EPHB1: variants seen among roughly 807,000 people sequenced by gnomAD.
The protein encoded by EPHB1 is ephrin type-B receptor 1.
In EPHB1, 30 loss-of-function variants were observed where a neutral mutation model predicts 94.4. The observed-to-expected ratio is 0.32, with a 90% confidence interval of 0.24 to 0.43. The LOEUF is 0.43. Among genes scored for constraint, EPHB1 ranks in the 20% least tolerant of loss-of-function variants. EPHB1 has a pLI of 1.00. For synonymous variants in EPHB1, 522 were observed against 489.1 expected (o/e 1.07, Z -0.89); for missense variants, 1,055 against 1,308.3 (o/e 0.81, Z 2.99).
At chr3:135,041,119 A>G (rs925291823) in intron 3 of EPHB1, among the ~76,000 whole-genome samples, 2 of 152,176 alleles carry the variant, frequency 1.3e-5, no homozygotes, top group African/African-American at 4.8e-5. Context: ...TGTAAACCAG[A>G]AGAGCAGGGA....
At chr3:134,796,549 C>G (rs542979784) in intron 1 of EPHB1, among the ~76,000 whole-genome samples, 4 of 152,218 alleles carry the variant, frequency 2.6e-5, no homozygotes, top group Non-Finnish European at 2.9e-5. Context: ...CCAAAGACAC[C>G]GTGCCCGGCG....
intron 3 of EPHB1, among the ~76,000 whole-genome samples, chr3:135,093,728 A>G (rs1034102776): frequency 9.0e-4 from 137 of 152,252 alleles, no homozygotes; most frequent in African/African-American, 3.0e-3. Context: ...ACTCAAAAAA[A>G]AAAAAAAAAT....
intron 1 of EPHB1, among the ~76,000 whole-genome samples, chr3:134,858,673 C>T (rs7645894): frequency 6.6e-6 from 1 of 152,242 alleles, no homozygotes; most frequent in Non-Finnish European, 1.5e-5. Context: ...AAAAATAACA[C>T]TACGGAATGA....
At chr3:135,105,470 G>A (rs1344746963) in intron 3 of EPHB1, among the ~76,000 whole-genome samples, 3 of 152,162 alleles carry the variant, frequency 2.0e-5, no homozygotes, top group African/African-American at 7.2e-5. Flanking sequence ...ATAAGGAAGG[G>A]CCTTGGGGAA....
intron 12 of EPHB1, among the ~76,000 whole-genome samples, chr3:135,204,268 A>G (rs1381417834): frequency 6.6e-6 from 1 of 152,136 alleles, no homozygotes; most frequent in East Asian, 1.9e-4. Context: ...CAATGGCATG[A>G]TCTCGGCTCA....
intron 3 of EPHB1, among the ~76,000 whole-genome samples, chr3:135,034,261 A>C (rs2107762220): frequency 6.6e-6 from 1 of 152,298 alleles, no homozygotes; most frequent in African/African-American, 2.4e-5. Context: ...ACACAATTTC[A>C]ACTGTATGGT....
At chr3:135,062,202 T>C (rs2168755) in intron 3 of EPHB1, among the ~76,000 whole-genome samples, 5,963 of 152,314 alleles carry the variant, frequency 0.039, 164 homozygotes, top group East Asian at 0.14. Flanking sequence ...TTGGGGTAGA[T>C]ATCCAGTAGT....
chr3:135,037,409 G>A (rs1936681649), intron 3 of EPHB1, among the ~76,000 whole-genome samples: 2 of 152,282 alleles, frequency 1.3e-5, no homozygotes, highest in Non-Finnish European at 2.9e-5. Context: ...GAAAGCACTC[G>A]TTAGATATGT....
At chr3:134,965,429 G>C (rs1933699359) in intron 3 of EPHB1, among the ~76,000 whole-genome samples, 1 of 152,130 alleles carries the variant, frequency 6.6e-6, no homozygotes, top group Non-Finnish European at 1.5e-5. Context: ...GCCAGGCGAG[G>C]TGGCTCATGC....
At chr3:134,987,261 T>C (rs1934633161) in intron 3 of EPHB1, among the ~76,000 whole-genome samples, 1 of 152,236 alleles carries the variant, frequency 6.6e-6, no homozygotes, top group Non-Finnish European at 1.5e-5. Context: ...ACAGCTGTCA[T>C]GGACTGAATT....
chr3:135,242,253 T>C (rs578049294), intron 13 of EPHB1, among the ~76,000 whole-genome samples: 1 of 152,208 alleles, frequency 6.6e-6, no homozygotes, highest in East Asian at 1.9e-4. Context: ...TGCTTGCCCT[T>C]CCCATCACTT....
intron 12 of EPHB1, 45 bp from the exon 13 acceptor site, chr3:135,241,103 C>T (rs1943771861): frequency 6.2e-7 from 1 of 1,613,312 alleles, no homozygotes; most frequent in Non-Finnish European, 8.5e-7. Flanking sequence ...TGCCTTCAAT[C>T]AGAAACCTGA....
At chr3:135,107,557 G>A (rs1452191990) in intron 4 of EPHB1, among the ~76,000 whole-genome samples, 3 of 152,058 alleles carry the variant, frequency 2.0e-5, no homozygotes, top group East Asian at 1.9e-4. Context: ...ATGCTTCCTG[G>A]CTCCCTGTGA....
At chr3:134,837,101 C>T (rs959576753) in intron 1 of EPHB1, among the ~76,000 whole-genome samples, 1 of 152,290 alleles carries the variant, frequency 6.6e-6, no homozygotes, top group Non-Finnish European at 1.5e-5. Context: ...GTCATTCATG[C>T]GGTTGGCTGC....
At chr3:135,124,670 A>G (rs994547419) in intron 4 of EPHB1, among the ~76,000 whole-genome samples, 1 of 151,774 alleles carries the variant, frequency 6.6e-6, no homozygotes, top group Admixed American at 6.5e-5. Context: ...TTCTGTCTGT[A>G]TCTGAAGATC....
At chr3:134,921,230 T>G (rs922188204) in intron 1 of EPHB1, among the ~76,000 whole-genome samples, 1 of 152,086 alleles carries the variant, frequency 6.6e-6, no homozygotes, top group Non-Finnish European at 1.5e-5. Context: ...TTCTTGCCCC[T>G]CCCACTGTTG....
At chr3:134,864,694 T>TA (rs1407645886) in intron 1 of EPHB1, among the ~76,000 whole-genome samples, 1 of 152,216 alleles carries the variant, frequency 6.6e-6, no homozygotes, top group Non-Finnish European at 1.5e-5. Flanking sequence ...AGAACCAAAA[T>TA]ATTGCGGCAA....
chr3:135,064,476 T>G (rs1238118926), intron 3 of EPHB1, among the ~76,000 whole-genome samples: 1 of 152,158 alleles, frequency 6.6e-6, no homozygotes, highest in Non-Finnish European at 1.5e-5. Context: ...GTTTTCGAAT[T>G]TACATGCATA....
At chr3:135,232,456 A>G (rs537165617) in intron 12 of EPHB1, among the ~76,000 whole-genome samples, 11 of 152,316 alleles carry the variant, frequency 7.2e-5, no homozygotes, top group Admixed American at 6.5e-4. Flanking sequence ...AGGCTGGTCA[A>G]CCACACAGTC....
Sources: allele counts gnomAD v4.1 joint callset (sites outside exome capture counted in the v4.1 genomes callset), GRCh38; gene constraint gnomAD v4.1.1; transcripts MANE v1.5; gene names NCBI Gene and HGNC (gene_info 2026-07-23, HGNC 2026-07-21).